Variants in SV2B observed in about 807,000 individuals in gnomAD.
SV2B encodes the protein solute carrier family 22 member B2.
In SV2B, 41 loss-of-function variants were observed where a neutral mutation model predicts 73.9. That is an observed-to-expected ratio of 0.56 (90% CI 0.43 to 0.72). The LOEUF (loss-of-function observed/expected upper bound fraction) is 0.72, where lower values mean the gene tolerates loss of function less well. Ranked by LOEUF, SV2B falls within the 30% of genes least tolerant of loss-of-function variation. SV2B has a pLI of 0.00. For synonymous variants in SV2B, 314 were observed against 314.2 expected, an observed-to-expected ratio of 1.00 and a Z score of 0.01; for missense variants, 764 against 857.8, an observed-to-expected ratio of 0.89 and a Z score of 1.37.
chr15:91,249,606 A>G (rs1157785925), intron 2 of SV2B, among the ~76,000 whole-genome samples: 2 of 152,236 alleles, frequency 1.3e-5, no homozygotes, highest in African/African-American at 4.8e-5. Context: ...AAAGATAAAC[A>G]AAACTGACAG....
At chr15:91,247,346 T>C (rs889885971) in intron 2 of SV2B, among the ~76,000 whole-genome samples, 7 of 152,186 alleles carry the variant, frequency 4.6e-5, no homozygotes, top group African/African-American at 1.7e-4. Flanking sequence ...TTTCAATTTG[T>C]CTAGGTGTCT....
intron 1 of SV2B, among the ~76,000 whole-genome samples, chr15:91,111,488 G>A (rs182342527): frequency 4.7e-4 from 72 of 152,312 alleles, no homozygotes; most frequent in Admixed American, 1.4e-3. Context: ...GCTGGAAGCC[G>A]TTGCTATTGC....
chr15:91,170,132 A>C (rs1474420791), intron 1 of SV2B, among the ~76,000 whole-genome samples: 1 of 152,176 alleles, frequency 6.6e-6, no homozygotes, highest in Non-Finnish European at 1.5e-5. Context: ...ATTTTTTTAA[A>C]GACCTTGACC....
chr15:91,217,779 C>T (rs1421346686), intron 1 of SV2B, among the ~76,000 whole-genome samples: 1 of 152,182 alleles, frequency 6.6e-6, no homozygotes, highest in Non-Finnish European at 1.5e-5. Context: ...AGAAATCGTC[C>T]AGAACAATCC....
rs562369453 is a variant in SV2B, at chr15:91,121,964, C to T, written c.-392+21601C>T. Among the ~76,000 whole-genome samples, 19 of 152,020 alleles carry T rather than the reference C, an allele frequency of 1.2e-4. No homozygotes were observed. The highest frequency in any genetic ancestry group is 3.6e-4 in the African/African-American group (15 of 41,454). ...TAATTTTTTGTATTTTTAGTAGAGA[C>T]GGGGTTTCACCATGTTAGCCAGGAT... On this transcript the variant is annotated intron_variant, in intron 1 of 12. Transcript: ENST00000394232. This position sits in a 1 kb window ranked among gnomAD's most constrained non-coding sequence, Gnocchi z 4.4.
In SV2B at chr15:91,128,573, CCTT is replaced by C. The variant is rs1392195141; in HGVS notation, c.-392+28214_-392+28216del. ...CAAGGCTAGCCATAGAAACTAGAATCCTTCTTTCCCAGGGCAGATCATAGAAAC... is the reference window on the plus strand; with the variant it reads ...CAAGGCTAGCCATAGAAACTAGAATCCTTTCCCAGGGCAGATCATAGAAAC... On this transcript the variant is annotated intron_variant, in intron 1 of 12. Transcript: ENST00000394232. This position sits in a 1 kb window ranked among gnomAD's most constrained non-coding sequence, Gnocchi z 4.2. The C allele has an allele frequency of 2.6e-5, 4 of 152,218 alleles. No individual in the cohort carries two copies. Among genetic ancestry groups the C allele is most frequent in the Admixed American group, 2.0e-4 (3 of 15,284 alleles). The allele number at this position is 152,218 out of a possible 1,614,324, so 9.4% of individuals were successfully genotyped here. A position where few individuals can be genotyped will look rare whatever the true frequency, so the allele number is the denominator to read the frequency against.
chr15:91,250,501 AG>A (rs541283420), intron 2 of SV2B, among the ~76,000 whole-genome samples: 192 of 152,320 alleles, frequency 1.3e-3, no homozygotes, highest in Middle Eastern at 3.4e-3. Context: ...AAGAAATAAA[AG>A]TCATCCAAAT....
In SV2B at chr15:91,267,251, A is replaced by T. The variant is rs1368661083; in HGVS notation, c.1120-304A>T. 6.6e-6 allele frequency among the ~76,000 whole-genome samples: 1 copy of T among 152,204 alleles called. No homozygotes were observed. The highest frequency in any genetic ancestry group is 1.9e-4 in the East Asian group (1 of 5,188). On this transcript the variant is annotated intron_variant, in intron 7 of 12. Coordinates refer to ENST00000394232, the MANE Select transcript of SV2B (RefSeq NM_001323032.3). The surrounding 1 kb of genome is among the most constrained non-coding windows in gnomAD (Gnocchi z 4.3). ...TGCCCACAGGCAGGGAGTAGAACTC[A>T]GCAGTCAAGGTTACTCAGTGCCTTG... is the stretch of plus-strand genomic sequence containing the variant.
intron 1 of SV2B, among the ~76,000 whole-genome samples, chr15:91,217,716 C>T (rs2046081705): frequency 6.6e-6 from 1 of 152,230 alleles, no homozygotes; most frequent in African/African-American, 2.4e-5. Context: ...TGCTTCAAAG[C>T]ATTTTCACAG....
chr15:91,146,784 A>G lies in SV2B; in HGVS notation c.-392+46421A>G, dbSNP rs28425756. 2.7e-3 allele frequency among the ~76,000 whole-genome samples: 407 copies of G among 152,332 alleles called. 1 individual carries two copies. Among genetic ancestry groups the G allele is most frequent in the African/African-American group, 9.1e-3 (380 of 41,580 alleles). On this transcript the variant is annotated intron_variant, in intron 1 of 12. Coordinates refer to ENST00000394232, the MANE Select transcript of SV2B (RefSeq NM_001323032.3). ...CTGGGCTCTCTATGGGCATTGGAAA[A>G]CAGTGAACAAAGTGGAAGGAACCTG...
chr15:91,178,378 C>T (rs1285779485), intron 1 of SV2B, among the ~76,000 whole-genome samples: 1 of 149,620 alleles, frequency 6.7e-6, no homozygotes, highest in African/African-American at 2.5e-5. Flanking sequence ...CTCTGCCAGC[C>T]TTTCGTATCA....
chr15:91,152,587 T>C (rs1214613480), intron 1 of SV2B, among the ~76,000 whole-genome samples: 1 of 152,224 alleles, frequency 6.6e-6, no homozygotes, highest in Non-Finnish European at 1.5e-5. Context: ...TGCTTTCATA[T>C]ATTCAAAGTA....
At chr15:91,271,641 C>T (rs567934005) in intron 9 of SV2B, among the ~76,000 whole-genome samples, 2 of 152,320 alleles carry the variant, frequency 1.3e-5, no homozygotes, top group African/African-American at 2.4e-5. Context: ...CCCCCACTCC[C>T]TCCCCAGCAA....
intron 1 of SV2B, among the ~76,000 whole-genome samples, chr15:91,107,074 T>TTGTGTGTG (rs756643602): frequency 1.0e-4 from 15 of 149,588 alleles, no homozygotes; most frequent in Non-Finnish European, 1.8e-4. Context: ...TTGAAAGTGG[T>TTGTGTGTG]TGTGTGTGTG....
At chr15:91,260,219 G>A (rs901188091) in intron 5 of SV2B, 101 bp from the exon 6 acceptor site, 231 of 1,001,730 alleles carry the variant, frequency 2.3e-4, no homozygotes, top group Non-Finnish European at 3.1e-4. Context: ...AGGAATGCTC[G>A]TATCAACATT....
In SV2B at chr15:91,281,811, A is replaced by T. The variant is rs1480092828; in HGVS notation, c.1457A>T (p.Asp486Val). The T allele has an allele frequency of 6.2e-7, 1 of 1,613,312 alleles. No individual in the cohort carries two copies. ...ECYFEDVTST[D>V]TYFKNCTIES... The stretch of plus-strand genomic sequence containing the variant: ...TATTTTGAAGACGTAACATCAACAG[A>T]TACCTACTTCAAAAATTGTACCATT... The change falls in exon 10 of 13, where the codon GAT (aspartate) becomes GTT (valine). Residue 486 changes from aspartate (D) to valine (V), a missense_variant. Coordinates refer to ENST00000394232, the MANE Select transcript of SV2B (RefSeq NM_001323032.3). This position sits in a 1 kb window ranked among gnomAD's most constrained non-coding sequence, Gnocchi z 4.7.
chr15:91,187,778 A>AT (rs1404354772), intron 1 of SV2B, among the ~76,000 whole-genome samples: 6 of 152,000 alleles, frequency 3.9e-5, no homozygotes, highest in African/African-American at 1.2e-4. Flanking sequence ...TTCTATATTC[A>AT]TTTACTAGGA....
In SV2B at chr15:91,110,183, G is replaced by T. The variant is rs1419501477; in HGVS notation, c.-392+9820G>T. ...CATTTGCATGTTTCTCTCATGAAAT[G>T]ACCATGAAAACAGAATTGTAATTTA... On this transcript the variant is annotated intron_variant, in intron 1 of 12. Transcript: ENST00000394232. This position sits in a 1 kb window ranked among gnomAD's most constrained non-coding sequence, Gnocchi z 5.4. Among the ~76,000 whole-genome samples, 1 of 152,124 alleles carries T rather than the reference G, an allele frequency of 6.6e-6. No individual in the cohort carries two copies. Among genetic ancestry groups the T allele is most frequent in the Non-Finnish European group, 1.5e-5 (1 of 68,028 alleles).
chr15:91,131,149 T>G (rs74375975), intron 1 of SV2B, among the ~76,000 whole-genome samples: 3,194 of 53,710 alleles, frequency 0.059, 113 homozygotes, highest in African/African-American at 0.11. Context: ...GTTTTCTTGT[T>G]TTTTTTTTTT....
Sources: allele counts gnomAD v4.1 joint callset (sites outside exome capture counted in the v4.1 genomes callset), GRCh38; gene constraint gnomAD v4.1.1; non-coding constraint Gnocchi (gnomAD v3.1); transcripts MANE v1.5; gene names NCBI Gene and HGNC (gene_info 2026-07-23, HGNC 2026-07-21).